The following CC2D2A variants were observed in gnomAD, a reference collection of about 807,000 sequenced individuals.
CC2D2A encodes coiled-coil and C2 domain-containing protein 2A.
A neutral mutation model predicts 212.9 loss-of-function variants in CC2D2A; 155 were observed. The ratio of observed to expected loss-of-function variants is 0.73; its 90% CI spans 0.64 to 0.83. CC2D2A has a LOEUF of 0.83. Among genes scored for constraint, CC2D2A ranks in the 40% least tolerant of loss-of-function variants. CC2D2A has a pLI of 0.00. For synonymous variants in CC2D2A, 667 were observed against 686.5 expected (o/e 0.97, Z 0.44); for missense variants, 1,856 against 1,956.2 (o/e 0.95, Z 0.97).
chr4:15,479,401 T>C, intron 3 of CC2D2A: 1 of 1,217,366 alleles, frequency 8.2e-7, no homozygotes. Context: ...GGAGCTCTGC[T>C]TGGAACAATC....
rs756341605 is a variant in CC2D2A at position 15,538,081 on chromosome 4, G to A, written c.1947G>A (p.Thr649=). 4.5e-5 allele frequency: 73 copies of A among 1,605,762 alleles called. 1 individual carries two copies. The highest frequency in any genetic ancestry group is 2.9e-4 in the African/African-American group (22 of 74,768). The change falls in exon 16 of 37, where the codon ACG becomes ACA. Residue 649 remains threonine, a synonymous_variant. Coordinates refer to ENST00000424120, the MANE Select transcript of CC2D2A (RefSeq NM_001378615.1). ...GCAGGAGGAGGCCTTGGGAGCCCACGCTGGTCCCGGAGCTAAGCCTGGCAG... is the reference window on the plus strand; with the variant it reads ...GCAGGAGGAGGCCTTGGGAGCCCACACTGGTCCCGGAGCTAAGCCTGGCAG... ...AQSRRRPWEP[T]LVPELSLAGS... is the part of the protein sequence containing the mutation.
intron 4 of CC2D2A, among the ~76,000 whole-genome samples, chr4:15,494,135 C>G (rs998353673): frequency 6.6e-6 from 1 of 152,180 alleles, no homozygotes; most frequent in Non-Finnish European, 1.5e-5. Flanking sequence ...TGACAACTCT[C>G]AGAGTCTCTG....
In CC2D2A at chr4:15,550,836, G is replaced by A. The variant is rs1223380487; in HGVS notation, c.2194G>A (p.Val732Ile). 1.3e-6 allele frequency: 2 copies of A among 1,569,838 alleles called. No individual in the cohort carries two copies. The highest frequency in any genetic ancestry group is 1.8e-4 in the Middle Eastern group (1 of 5,428). The stretch of plus-strand genomic sequence containing the variant: ...CTCTGGTTTTCAGGTCTATGAAACT[G>A]TCGGACACAGTAGTCCCACCTTGCT... ...ESLTLQVYET[V>I]GHSSPTLLAE... The change falls in exon 18 of 37, where the codon GTC becomes ATC. Residue 732 changes from valine to isoleucine, a missense_variant. Val to Ile is a conservative substitution (Grantham distance 29). This residue lies in a region of CC2D2A where 1,512 missense variants were observed against 1,579.3 expected (regional missense o/e 0.96). Coordinates refer to ENST00000424120, the MANE Select transcript of CC2D2A (RefSeq NM_001378615.1).
At chr4:15,593,016 T>C (rs1341297522) in intron 33 of CC2D2A, among the ~76,000 whole-genome samples, 1 of 152,234 alleles carries the variant, frequency 6.6e-6, no homozygotes, top group Non-Finnish European at 1.5e-5. Flanking sequence ...CTATCTCTGC[T>C]ATTTCCCAGG....
At position 15,578,800 on chromosome 4, in the gene CC2D2A, G is replaced by T. The variant is rs796145202; in HGVS notation, c.3772-1168G>T. Among the ~76,000 whole-genome samples, 353 of 106,242 alleles carry T rather than the reference G, an allele frequency of 3.3e-3. 3 individuals carry two copies. The highest frequency in any genetic ancestry group is 0.012 in the African/African-American group (339 of 28,602). 69.7% of individuals were successfully genotyped at this position (106,242 alleles called of 152,430 possible). A position where few individuals can be genotyped will look rare whatever the true frequency, so the allele number is the denominator to read the frequency against. On this transcript the variant is annotated intron_variant, in intron 29 of 36. Transcript: ENST00000424120. Reference sequence around the variant, plus strand: ...ATCACTACACCTGGTTTGTTTGTTTGTTTGTTTGTTTGTTTGTTTTTAATA... The same window carrying T: ...ATCACTACACCTGGTTTGTTTGTTTTTTTGTTTGTTTGTTTGTTTTTAATA...
chr4:15,572,090 C>T (rs1720195467), intron 28 of CC2D2A, among the ~76,000 whole-genome samples: 3 of 152,152 alleles, frequency 2.0e-5, no homozygotes, highest in Admixed American at 2.0e-4. Flanking sequence ...TGGAGCCACA[C>T]ATAACAAGTA....
At chr4:15,556,725 T>C (rs986021293) in intron 20 of CC2D2A, among the ~76,000 whole-genome samples, 1 of 152,168 alleles carries the variant, frequency 6.6e-6, no homozygotes, top group African/African-American at 2.4e-5. Flanking sequence ...CTGCTCAGCT[T>C]CTCAGAGGTG....
intron 4 of CC2D2A, chr4:15,493,100 T>C (rs926727427): frequency 2.7e-5 from 9 of 339,490 alleles, no homozygotes; most frequent in African/African-American, 1.9e-4. Flanking sequence ...CTCATCAGGC[T>C]TAGCCCTATC....
rs188355781 is a variant in CC2D2A, at chr4:15,581,898, A to G, written c.3975+1727A>G. ...GCCTCAAAAAAATTCCACAGAAAAA[A>G]ATTCCAAGAAACATGAACATACAAT... is the stretch of plus-strand genomic sequence containing the variant. On this transcript the variant is annotated intron_variant, in intron 30 of 36. Coordinates refer to ENST00000424120, the MANE Select transcript of CC2D2A (RefSeq NM_001378615.1). 2.2e-3 allele frequency among the ~76,000 whole-genome samples: 335 copies of G among 152,326 alleles called. 1 individual carries two copies. Among genetic ancestry groups the G allele is most frequent in the Admixed American group, 4.3e-3 (66 of 15,308 alleles).
intron 17 of CC2D2A, among the ~76,000 whole-genome samples, chr4:15,544,449 G>T (rs1027609914): frequency 6.6e-6 from 1 of 152,232 alleles, no homozygotes; most frequent in African/African-American, 2.4e-5. Context: ...AGACCGGATA[G>T]AGAGCTAGAA....
chr4:15,588,040 A>G (rs546970675), intron 32 of CC2D2A, 111 bp downstream of exon 32: 1 of 604,634 alleles, frequency 1.7e-6, no homozygotes, highest in East Asian at 2.9e-5. Flanking sequence ...GGTTGCTAGG[A>G]AAGTGGCCCA....
chr4:15,549,358 G>A (rs998412593), intron 17 of CC2D2A, among the ~76,000 whole-genome samples: 2 of 152,148 alleles, frequency 1.3e-5, no homozygotes, highest in Admixed American at 1.3e-4. Context: ...ATAGCTCACA[G>A]CAAAATTAAG....
At chr4:15,482,435 G>A in intron 4 of CC2D2A, 3 of 438,366 alleles carry the variant, frequency 6.8e-6, no homozygotes, top group Non-Finnish European at 9.1e-6. Context: ...CATGGTGCCA[G>A]CATGGCCGGT....
At chr4:15,508,331 A>G (rs562562910) in intron 6 of CC2D2A, among the ~76,000 whole-genome samples, 5 of 152,288 alleles carry the variant, frequency 3.3e-5, no homozygotes, top group Non-Finnish European at 7.4e-5. Context: ...CTCAGAGTCA[A>G]CTACAGGCAC....
At chr4:15,525,017 G>T (rs1258618344) in intron 11 of CC2D2A, among the ~76,000 whole-genome samples, 2 of 152,290 alleles carry the variant, frequency 1.3e-5, no homozygotes, top group East Asian at 3.9e-4. Context: ...TCCCTAATAG[G>T]AAGAGAGTTG....
chr4:15,481,424 T>C, intron 4 of CC2D2A: 1 of 339,190 alleles, frequency 2.9e-6, no homozygotes. Flanking sequence ...GGCATGAGAA[T>C]TGCTTGAACC....
chr4:15,526,943 G>C (rs1717540321), intron 11 of CC2D2A, among the ~76,000 whole-genome samples: 1 of 152,064 alleles, frequency 6.6e-6, no homozygotes, highest in African/African-American at 2.4e-5. Context: ...TCCCCATGAA[G>C]ACTGAGTGCC....
chr4:15,528,656 G>A lies in CC2D2A; in HGVS notation c.1396G>A (p.Asp466Asn), dbSNP rs2109025128. 1.2e-6 allele frequency: 2 copies of A among 1,613,866 alleles called. No homozygotes were observed. The highest frequency in any genetic ancestry group is 2.2e-5 in the South Asian group (2 of 91,068). ...AAGAAATGCTGTTCAGACTGGCCTTGATCCAGAAAAACCTCATCAGTCTCT... is the reference window on the plus strand; with the variant it reads ...AAGAAATGCTGTTCAGACTGGCCTTAATCCAGAAAAACCTCATCAGTCTCT... ...ALRNAVQTGLDPEKPHQSLDT... is the reference protein window; with the variant it reads ...ALRNAVQTGLNPEKPHQSLDT... The change falls in exon 13 of 37, where the codon GAT becomes AAT. Residue 466 changes from aspartate to asparagine, a missense_variant. Coordinates refer to ENST00000424120, the MANE Select transcript of CC2D2A (RefSeq NM_001378615.1).
chr4:15,481,169 A>G, intron 4 of CC2D2A: 1 of 459,922 alleles, frequency 2.2e-6, no homozygotes, highest in Non-Finnish European at 4.4e-6. Context: ...TCTAGTAATG[A>G]GTGAGTTCTT....
Sources: gnomAD v4.1 joint callset for allele counts (sites outside exome capture counted in the v4.1 genomes callset) on GRCh38, gnomAD v4.1.1 for gene constraint, gnomAD v4.1.1 regional missense constraint, MANE v1.5 for transcripts, NCBI Gene and HGNC (gene_info 2026-07-23, HGNC 2026-07-21) for gene names.